The following RBFOX1 variants were observed in gnomAD, a reference collection of about 807,000 sequenced individuals.
RBFOX1 encodes the protein RNA binding fox-1 homolog 1.
In RBFOX1, 8 loss-of-function variants were observed where a neutral mutation model predicts 57.7. The observed-to-expected ratio is 0.14, with a 90% CI of 0.08 to 0.25. The LOEUF is 0.25. Among genes scored for constraint, RBFOX1 ranks in the 10% least tolerant of loss-of-function variants. The pLI is 1.00. For missense variants in RBFOX1, 611 were observed against 548.5 expected (o/e 1.11, Z -1.14); for synonymous variants, 326 against 222.4 (o/e 1.47, Z -4.15).
intron 4 of RBFOX1, among the ~76,000 whole-genome samples, chr16:5,952,649 T>C (rs2059544718): frequency 6.6e-6 from 1 of 152,218 alleles, no homozygotes; most frequent in African/African-American, 2.4e-5. Context: ...TCGATAGTGA[T>C]GGGTGTAGCT....
At chr16:6,664,649 T>A (rs2098720884) in intron 3 of RBFOX1, among the ~76,000 whole-genome samples, 1 of 152,130 alleles carries the variant, frequency 6.6e-6, no homozygotes, top group Non-Finnish European at 1.5e-5. Flanking sequence ...GACCAGGCAA[T>A]AGCAGAGATT....
At chr16:6,371,274 A>AGT (rs1192772710) in intron 2 of RBFOX1, among the ~76,000 whole-genome samples, 1 of 152,148 alleles carries the variant, frequency 6.6e-6, no homozygotes, top group African/African-American at 2.4e-5. Context: ...TTCTTGTCTG[A>AGT]GTCAATTATG....
At chr16:7,360,021 C>G (rs550169250) in intron 4 of RBFOX1, among the ~76,000 whole-genome samples, 2 of 152,002 alleles carry the variant, frequency 1.3e-5, no homozygotes, top group South Asian at 4.2e-4. Context: ...AAAAACCACT[C>G]TGGAAAATCA....
At chr16:7,613,605 A>G (rs897269020) in intron 10 of RBFOX1, among the ~76,000 whole-genome samples, 5 of 152,132 alleles carry the variant, frequency 3.3e-5, no homozygotes, top group African/African-American at 9.7e-5. Context: ...GGGCAACTGT[A>G]TTTGACCTCG....
intron 5 of RBFOX1, among the ~76,000 whole-genome samples, chr16:7,548,372 G>A (rs2085239088): frequency 1.3e-5 from 2 of 152,148 alleles, no homozygotes. Context: ...GGCTAGGCTG[G>A]TCTTGAACTC....
At chr16:6,411,566 A>G (rs1362967768) in intron 2 of RBFOX1, among the ~76,000 whole-genome samples, 1 of 152,322 alleles carries the variant, frequency 6.6e-6, no homozygotes. Flanking sequence ...GGCCATGGAC[A>G]TTATGCAATT....
At chr16:7,411,945 C>G (rs2098432524) in intron 4 of RBFOX1, among the ~76,000 whole-genome samples, 1 of 148,216 alleles carries the variant, frequency 6.7e-6, no homozygotes, top group East Asian at 2.0e-4. Flanking sequence ...ATCTGAGAAA[C>G]TATCACAGAC....
intron 3 of RBFOX1, among the ~76,000 whole-genome samples, chr16:5,720,449 G>T (rs180943921): frequency 3.3e-5 from 5 of 152,144 alleles, no homozygotes; most frequent in East Asian, 3.9e-4. Flanking sequence ...TTTGTTAATC[G>T]CAATGAACCT....
At chr16:6,381,572 G>T (rs75353188) in intron 2 of RBFOX1, among the ~76,000 whole-genome samples, 4,881 of 152,236 alleles carry the variant, frequency 0.032, 290 homozygotes, top group African/African-American at 0.11. Context: ...GCAGGTTTGG[G>T]GTTCTTTTCC....
intron 1 of RBFOX1, among the ~76,000 whole-genome samples, chr16:5,279,989 G>A (rs1250124547): frequency 6.6e-6 from 1 of 152,220 alleles, no homozygotes; most frequent in Non-Finnish European, 1.5e-5. Context: ...TAGGAGTGGT[G>A]AAAGTGGGTA....
At chr16:6,530,853 A>T (rs2096648215) in intron 2 of RBFOX1, among the ~76,000 whole-genome samples, 1 of 151,900 alleles carries the variant, frequency 6.6e-6, no homozygotes. Flanking sequence ...TCCCTCCTAC[A>T]ACATGTGGGA....
At chr16:7,384,051 C>G (rs1219401882) in intron 4 of RBFOX1, among the ~76,000 whole-genome samples, 1 of 137,810 alleles carries the variant, frequency 7.3e-6, no homozygotes, top group East Asian at 2.2e-4. Context: ...GAGACTCCAT[C>G]TCAAAAAAAA....
At chr16:6,941,795 T>C (rs942202894) in intron 3 of RBFOX1, among the ~76,000 whole-genome samples, 1 of 152,162 alleles carries the variant, frequency 6.6e-6, no homozygotes, top group African/African-American at 2.4e-5. Context: ...ACTCACCCTA[T>C]TGGAGGACCT....
At chr16:5,520,843 G>C (rs2043983958) in intron 2 of RBFOX1, among the ~76,000 whole-genome samples, 1 of 152,156 alleles carries the variant, frequency 6.6e-6, no homozygotes, top group Admixed American at 6.5e-5. Flanking sequence ...GCTTAGACTT[G>C]GCCTCTTTGA....
At chr16:6,009,863 C>T (rs573002426) in intron 4 of RBFOX1, among the ~76,000 whole-genome samples, 1 of 130,828 alleles carries the variant, frequency 7.6e-6, no homozygotes, top group African/African-American at 2.9e-5. Context: ...TTCAGATTCC[C>T]ATTCTCATCC....
chr16:6,115,306 T>A (rs764984986), intron 1 of RBFOX1, among the ~76,000 whole-genome samples: 8 of 152,222 alleles, frequency 5.3e-5, no homozygotes, highest in Non-Finnish European at 1.0e-4. Context: ...TCACTGCCCC[T>A]TAGAATGTAA....
intron 1 of RBFOX1, among the ~76,000 whole-genome samples, chr16:6,268,378 C>G (rs912256765): frequency 3.3e-5 from 5 of 151,796 alleles, no homozygotes; most frequent in Middle Eastern, 3.2e-3. Flanking sequence ...CAGACCCTAA[C>G]TGTCTTGGTA....
chr16:7,577,331 T>A (rs751231093), intron 5 of RBFOX1, among the ~76,000 whole-genome samples: 1 of 152,122 alleles, frequency 6.6e-6, no homozygotes, highest in Non-Finnish European at 1.5e-5. Flanking sequence ...TTGAAACCTG[T>A]CCTCCTGCCT....
At chr16:6,840,219 G>GTCTT (rs1172728367) in intron 3 of RBFOX1, among the ~76,000 whole-genome samples, 1 of 152,114 alleles carries the variant, frequency 6.6e-6, no homozygotes, top group Non-Finnish European at 1.5e-5. Flanking sequence ...CTAAAAAGAG[G>GTCTT]TCTTTCTTTC....
Sources: allele counts gnomAD v4.1 joint callset (sites outside exome capture counted in the v4.1 genomes callset), GRCh38; gene constraint gnomAD v4.1.1; transcripts MANE v1.5; gene names NCBI Gene and HGNC (gene_info 2026-07-23, HGNC 2026-07-21).